The following OLFM3 variants were observed in gnomAD, a reference collection of about 807,000 sequenced individuals.
The protein encoded by OLFM3 is noelin-3.
In OLFM3, 20 loss-of-function variants were observed where a neutral mutation model predicts 48.6. The observed-to-expected ratio is 0.41, with a 90% CI of 0.29 to 0.60. The LOEUF (loss-of-function observed/expected upper bound fraction) is 0.60, where lower values mean the gene tolerates loss of function less well. OLFM3 is among the 20% of genes least tolerant of loss of function. OLFM3 has a pLI of 0.28. For synonymous variants in OLFM3, 222 were observed against 198.1 expected (o/e 1.12, Z -1.01); for missense variants, 437 against 544.3 (o/e 0.80, Z 1.96).
chr1:101,888,885 A>T (rs1371838584), intron 1 of OLFM3, among the ~76,000 whole-genome samples: 1 of 152,250 alleles, frequency 6.6e-6, no homozygotes, highest in Non-Finnish European at 1.5e-5. Context: ...TATGCAGCCA[A>T]CAGACACATG....
intron 1 of OLFM3, among the ~76,000 whole-genome samples, chr1:101,846,432 G>C (rs561466598): frequency 6.6e-6 from 1 of 152,106 alleles, no homozygotes; most frequent in Admixed American, 6.5e-5. Flanking sequence ...GGAAGAATCT[G>C]CTGTAGCAGA....
At chr1:101,901,676 G>C (rs1408868118) in intron 1 of OLFM3, among the ~76,000 whole-genome samples, 1 of 152,038 alleles carries the variant, frequency 6.6e-6, no homozygotes, top group Non-Finnish European at 1.5e-5. Context: ...GAAGAATGTG[G>C]ACATGAGAAA....
intron 1 of OLFM3, among the ~76,000 whole-genome samples, chr1:101,968,533 GAA>G (rs3082438): frequency 0.17 from 20,391 of 118,428 alleles, 1,784 homozygotes; most frequent in Non-Finnish European, 0.2. Flanking sequence ...TTTTTGTTCT[GAA>G]AAAAAAAAAA....
At chr1:101,988,837 C>T (rs1661320929) in intron 1 of OLFM3, among the ~76,000 whole-genome samples, 1 of 151,812 alleles carries the variant, frequency 6.6e-6, no homozygotes, top group African/African-American at 2.4e-5. Flanking sequence ...AAAATAACTA[C>T]TAATAAAGTA....
intron 1 of OLFM3, among the ~76,000 whole-genome samples, chr1:101,923,604 G>A (rs187089428): frequency 1.3e-5 from 2 of 152,044 alleles, no homozygotes. Flanking sequence ...CAAATAAAAT[G>A]TATATGGATT....
intron 1 of OLFM3, among the ~76,000 whole-genome samples, chr1:101,956,256 T>C (rs1200116741): frequency 6.6e-6 from 1 of 151,662 alleles, no homozygotes; most frequent in African/African-American, 2.4e-5. Context: ...GATTATAAAA[T>C]AAAATAAAAA....
rs758770872 is a variant in OLFM3, at chr1:101,830,820, T to C, written c.224A>G (p.Asn75Ser). 1 of 1,613,056 alleles carries C rather than the reference T, an allele frequency of 6.2e-7. No individual in the cohort carries two copies. Among genetic ancestry groups the C allele is most frequent in the Non-Finnish European group, 8.5e-7 (1 of 1,179,628 alleles). ...TAAGACTTCAATAGACTGGGACATG[T>C]TCTGAACCTGTTGAACAAGAATATT... ...QLRQLLEKVQ[N>S]MSQSIEVLNL... Residue 75 changes from asparagine (N) to serine (S), a missense_variant, in exon 3 of 6, where the codon AAC (asparagine) becomes AGC (serine). Coordinates refer to ENST00000370103, the MANE Select transcript of OLFM3 (RefSeq NM_058170.4).
At chr1:101,863,492 G>C (rs1049173102) in intron 1 of OLFM3, among the ~76,000 whole-genome samples, 1 of 152,150 alleles carries the variant, frequency 6.6e-6, no homozygotes. Flanking sequence ...TATGCTTTCA[G>C]AGCTTCCCCC....
intron 1 of OLFM3, among the ~76,000 whole-genome samples, chr1:101,871,074 T>A (rs1466875264): frequency 6.6e-6 from 1 of 152,142 alleles, no homozygotes; most frequent in African/African-American, 2.4e-5. Flanking sequence ...TGCAGTTACC[T>A]TATTTTTTAA....
chr1:101,916,625 C>T (rs748305310), intron 1 of OLFM3, among the ~76,000 whole-genome samples: 2 of 152,132 alleles, frequency 1.3e-5, no homozygotes, highest in Non-Finnish European at 2.9e-5. Flanking sequence ...CTTTCAACTG[C>T]TAAGGACAGT....
In OLFM3 at chr1:101,982,586, G is replaced by A. The variant is rs915929074; in HGVS notation, c.69+14162C>T. ...CCAAAGGAGATTAAAATTTGAATTG[G>A]TAGGCTGAGTAAAGTAACTTCCCTA... On this transcript the variant is annotated intron_variant, in intron 1 of 5. Transcript: ENST00000370103. Among the ~76,000 whole-genome samples, 4 of 152,272 alleles carry A rather than the reference G, an allele frequency of 2.6e-5. No homozygotes were observed. In the East Asian group the frequency reaches 7.7e-4, roughly 29 times the overall value.
At chr1:101,836,704 A>C (rs1337868222) in intron 2 of OLFM3, among the ~76,000 whole-genome samples, 175 bp downstream of exon 2, 1 of 152,070 alleles carries the variant, frequency 6.6e-6, no homozygotes, top group Non-Finnish European at 1.5e-5. Context: ...AATAGGACAA[A>C]GACAATAGCA....
intron 1 of OLFM3, among the ~76,000 whole-genome samples, chr1:101,875,797 T>C (rs1657277047): frequency 6.6e-6 from 1 of 152,044 alleles, no homozygotes; most frequent in Non-Finnish European, 1.5e-5. Flanking sequence ...TAACTTCCAG[T>C]AATCTTGCTG....
At chr1:101,865,792 G>A (rs777152780) in intron 1 of OLFM3, among the ~76,000 whole-genome samples, 1 of 152,114 alleles carries the variant, frequency 6.6e-6, no homozygotes, top group Non-Finnish European at 1.5e-5. Flanking sequence ...GGACTACGAG[G>A]TCAAAATTAT....
intron 1 of OLFM3, among the ~76,000 whole-genome samples, chr1:101,914,654 A>T (rs2101031722): frequency 6.6e-6 from 1 of 152,316 alleles, no homozygotes; most frequent in East Asian, 1.9e-4. Context: ...AAGAGTGAGA[A>T]CATGATGAAG....
At chr1:101,974,100 T>C (rs1198120852) in intron 1 of OLFM3, among the ~76,000 whole-genome samples, 1 of 151,996 alleles carries the variant, frequency 6.6e-6, no homozygotes, top group Admixed American at 6.6e-5. Context: ...GCTTTTCTCA[T>C]TTCCCTAACT....
intron 1 of OLFM3, among the ~76,000 whole-genome samples, chr1:101,884,507 A>C (rs760696636): frequency 1.6e-4 from 25 of 151,890 alleles, no homozygotes; most frequent in Non-Finnish European, 2.5e-4. Context: ...AACAAACAAA[A>C]AAAAACAGAC....
chr1:101,850,305 A>G (rs570226708), intron 1 of OLFM3, among the ~76,000 whole-genome samples: 1 of 152,132 alleles, frequency 6.6e-6, no homozygotes, highest in Non-Finnish European at 1.5e-5. Flanking sequence ...GCTGAAAGCT[A>G]TTGATTAATA....
At chr1:101,955,962 C>T (rs570151695) in intron 1 of OLFM3, among the ~76,000 whole-genome samples, 2 of 151,962 alleles carry the variant, frequency 1.3e-5, no homozygotes, top group East Asian at 3.9e-4. Context: ...CATCAAGCTA[C>T]AAGTCACAGA....
Sources: gnomAD v4.1 joint callset for allele counts (sites outside exome capture counted in the v4.1 genomes callset) on GRCh38, gnomAD v4.1.1 for gene constraint, MANE v1.5 for transcripts, NCBI Gene and HGNC (gene_info 2026-07-23, HGNC 2026-07-21) for gene names.